The following COPA variants were observed in gnomAD, a reference collection of about 807,000 sequenced individuals.
COPA encodes the protein coat protein complex I subunit alpha.
COPA carries 10 observed loss-of-function variants against 158.7 expected under a neutral mutation model. The ratio of observed to expected loss-of-function variants is 0.06; its 90% CI spans 0.04 to 0.11. The LOEUF (loss-of-function observed/expected upper bound fraction) is 0.11. Among genes scored for constraint, COPA ranks in the 10% least tolerant of loss-of-function variants. The probability of loss-of-function intolerance (pLI) is 1.00; values close to 1 mark genes in which losing one functional copy is unlikely to be tolerated. For synonymous variants in COPA, 462 were observed against 542.8 expected (o/e 0.85, Z 2.07); for missense variants, 1,065 against 1,536.7 (o/e 0.69, Z 5.13).
At chr1:160,336,243 G>C (rs1294304760) in intron 3 of COPA, among the ~76,000 whole-genome samples, 2 of 151,760 alleles carry the variant, frequency 1.3e-5, no homozygotes, top group Non-Finnish European at 2.9e-5. Context: ...TGCGGCAGCA[G>C]GATCACTTGA....
chr1:160,295,113 G>A (rs1413666957), intron 23 of COPA, among the ~76,000 whole-genome samples: 2 of 152,192 alleles, frequency 1.3e-5, no homozygotes, highest in Non-Finnish European at 2.9e-5. Flanking sequence ...TAAATAATTT[G>A]TACTTACCAG....
At chr1:160,327,947 A>C (rs1455291036) in intron 6 of COPA, among the ~76,000 whole-genome samples, 1 of 152,222 alleles carries the variant, frequency 6.6e-6, no homozygotes, top group Admixed American at 6.5e-5. Context: ...AACTGCATTT[A>C]TATTTATTGT....
chr1:160,326,811 A>T (rs948282030), intron 6 of COPA, among the ~76,000 whole-genome samples: 1 of 152,264 alleles, frequency 6.6e-6, no homozygotes, highest in Non-Finnish European at 1.5e-5. Flanking sequence ...TTTTGCCATT[A>T]AAACCTTTGG....
intron 8 of COPA, among the ~76,000 whole-genome samples, chr1:160,317,070 AGAGG>A (rs947180712): frequency 2.0e-5 from 3 of 151,876 alleles, no homozygotes; most frequent in African/African-American, 7.3e-5. Flanking sequence ...GCCAAGAGAG[AGAGG>A]AATGACATTT....
At chr1:160,314,933 C>T (rs368526782) in intron 8 of COPA, among the ~76,000 whole-genome samples, 1 of 151,884 alleles carries the variant, frequency 6.6e-6, no homozygotes, top group Non-Finnish European at 1.5e-5. Flanking sequence ...ATAAGGGTAC[C>T]ACCACAGGAA....
At chr1:160,328,927 C>T (rs1647381773) in intron 6 of COPA, among the ~76,000 whole-genome samples, 1 of 151,956 alleles carries the variant, frequency 6.6e-6, no homozygotes, top group African/African-American at 2.4e-5. Context: ...CAGAGAGTGT[C>T]CCTTTCAAAA....
intron 11 of COPA, 66 bp from the exon 12 acceptor site, chr1:160,310,324 T>G: frequency 7.7e-6 from 7 of 910,860 alleles, no homozygotes; most frequent in African/African-American, 1.7e-5. Flanking sequence ...AAGAAAGGAA[T>G]CACCCCCACA....
intron 6 of COPA, among the ~76,000 whole-genome samples, chr1:160,327,427 C>T (rs1281585546): frequency 7.9e-6 from 1 of 126,752 alleles, no homozygotes; most frequent in Non-Finnish European, 1.6e-5. Flanking sequence ...ATCCCAGCTG[C>T]TAGGGAGGCT....
chr1:160,339,284 C>T (rs1647929974), intron 3 of COPA, among the ~76,000 whole-genome samples: 1 of 152,140 alleles, frequency 6.6e-6, no homozygotes, highest in Admixed American at 6.5e-5. Flanking sequence ...GGTATTTTTG[C>T]CTCCTGTCTT....
At chr1:160,307,338 G>T in intron 13 of COPA, 93 bp from the exon 14 acceptor site, 1 of 1,198,432 alleles carries the variant, frequency 8.3e-7, no homozygotes, top group Non-Finnish European at 1.2e-6. Context: ...CTTGCTGGAT[G>T]CCATCTTGGC....
chr1:160,307,363 T>C (rs571436676), intron 13 of COPA, 118 bp from the exon 14 acceptor site: 15 of 918,620 alleles, frequency 1.6e-5, no homozygotes, highest in Admixed American at 5.4e-5. Flanking sequence ...CCAGTTGAGC[T>C]GCTTCCTAAC....
At chr1:160,338,714 C>T (rs908441607) in intron 3 of COPA, among the ~76,000 whole-genome samples, 1 of 152,142 alleles carries the variant, frequency 6.6e-6, no homozygotes, top group Non-Finnish European at 1.5e-5. Context: ...ACACTTTCTC[C>T]TTCCCAAAAT....
At position 160,311,854 on chromosome 1, in the gene COPA, CA is replaced by C; in HGVS notation, c.1076+13del. ...GATGAGAGGGTTTGGAGGAAAGAAA[CA>C]AGTCCGATTTACCTCCGCAACTGCA... On this transcript the variant is annotated intron_variant, in intron 11 of 32. Transcript: ENST00000241704. 6.2e-7 allele frequency: 1 copy of C among 1,606,982 alleles called. No individual in the cohort carries two copies. Among genetic ancestry groups the C allele is most frequent in the Non-Finnish European group, 8.5e-7 (1 of 1,175,356 alleles).
rs1658979130 is a variant in COPA, at chr1:160,311,903, G to A, written c.1041C>T (p.Asn347=). 6.2e-7 allele frequency: 1 copy of A among 1,613,966 alleles called. No individual in the cohort carries two copies. The change falls in exon 11 of 33, where the codon AAC becomes AAT. Residue 347 remains asparagine (N), a synonymous_variant. Coordinates refer to ENST00000241704, the MANE Select transcript of COPA (RefSeq NM_004371.4). ...KDRFLRQLDF[N]SSKDVAVMQL... ...GCATCACAGCTACATCTTTGGAGCT[G>A]TTGAAATCCAGCTGTCGTAAGAATC...
chr1:160,313,138 T>C lies in COPA; in HGVS notation c.872A>G (p.His291Arg). ...RTGVQTFRRDHDRFWVLAAHP... is the reference protein window; with the variant it reads ...RTGVQTFRRDRDRFWVLAAHP... ...AGCAGCTAGGACCCAGAAACGATCA[T>C]GGTCTCTGCGGAAAGTCTGAACCCC... The change falls in exon 10 of 33, where the codon CAT becomes CGT. Residue 291 changes from histidine to arginine, a missense_variant. Physicochemically the swap from His to Arg is conservative, Grantham distance 29. Coordinates refer to ENST00000241704, the MANE Select transcript of COPA (RefSeq NM_004371.4). 2 of 1,614,112 alleles carry C rather than the reference T, an allele frequency of 1.2e-6. No individual in the cohort carries two copies. Among genetic ancestry groups the C allele is most frequent in the Non-Finnish European group, 1.7e-6 (2 of 1,180,002 alleles).
intron 8 of COPA, 83 bp downstream of exon 8, chr1:160,323,348 G>C: frequency 2.9e-6 from 3 of 1,026,458 alleles, no homozygotes; most frequent in Non-Finnish European, 4.2e-6. Flanking sequence ...AGAAAAATAG[G>C]TCAGAGTCCA....
chr1:160,313,705 G>A (rs995427747), intron 9 of COPA, among the ~76,000 whole-genome samples: 11 of 152,180 alleles, frequency 7.2e-5, no homozygotes, highest in African/African-American at 1.7e-4. Context: ...GAGCCACCGC[G>A]CCCGGCCTCA....
In COPA at chr1:160,317,273, A is replaced by G; in HGVS notation, c.707-3148T>C. 3 of 782,784 alleles carry G rather than the reference A, an allele frequency of 3.8e-6. No homozygotes were observed. In the South Asian group the frequency reaches 4.6e-5, roughly 12 times the overall value. 48.5% of individuals were successfully genotyped at this position (782,784 alleles called of 1,614,324 possible). On this transcript the variant is annotated intron_variant, in intron 8 of 32. Transcript: ENST00000241704. Reference sequence around the variant, plus strand: ...TGAAAGAAAAAAACACTAATGTGGTAGCGGAAGTTACTGCAGCTGCGGTGT... The same window carrying G: ...TGAAAGAAAAAAACACTAATGTGGTGGCGGAAGTTACTGCAGCTGCGGTGT...
At chr1:160,309,074 A>C in intron 13 of COPA, 27 bp downstream of exon 13, 1 of 1,578,378 alleles carries the variant, frequency 6.3e-7, no homozygotes, top group Non-Finnish European at 8.7e-7. Context: ...CTGGAAGCAG[A>C]GTGGGGTAGA....
Sources: allele counts gnomAD v4.1 joint callset (sites outside exome capture counted in the v4.1 genomes callset), GRCh38; gene constraint gnomAD v4.1.1; transcripts MANE v1.5; gene names NCBI Gene and HGNC (gene_info 2026-07-23, HGNC 2026-07-21).